The following TYW1B variants were observed in gnomAD, a reference collection of about 807,000 sequenced individuals.
The protein encoded by TYW1B is S-adenosyl-L-methionine-dependent tRNA 4-demethylwyosine synthase TYW1B.
In TYW1B, 73 loss-of-function variants were observed where a neutral mutation model predicts 86.9. The observed-to-expected ratio is 0.84, with a 90% CI of 0.70 to 1.02. The LOEUF is 1.02. Ranked by LOEUF, TYW1B falls within the 50% of genes least tolerant of loss-of-function variation. TYW1B has a pLI of 0.00. For missense variants in TYW1B, 637 were observed against 827.4 expected (o/e 0.77, Z 2.82); for synonymous variants, 248 against 292.8 (o/e 0.85, Z 1.56).
rs1554428196 is a variant in TYW1B at position 72,575,034 on chromosome 7, A to G, written c.*464T>C. The G allele has an allele frequency of 1.0e-6, 1 of 993,912 alleles. No individual in the cohort carries two copies. The highest frequency in any genetic ancestry group is 1.7e-5 in the African/African-American group (1 of 57,348). The allele number at this position is 993,912 out of a possible 1,614,324, so 61.6% of individuals were successfully genotyped here. The stretch of plus-strand genomic sequence containing the variant: ...TGTCTTAAGACAGAAGAAAGGGATC[A>G]AGCTCTTATCTTAGAAAGCACAGAC... On this transcript the variant is annotated 3_prime_UTR_variant, in exon 14 of 14. Coordinates refer to ENST00000620995, the MANE Select transcript of TYW1B (RefSeq NM_001145440.3).
chr7:72,607,393 C>CAAAAAA (rs57281644), intron 13 of TYW1B, among the ~76,000 whole-genome samples: 4 of 76,218 alleles, frequency 5.2e-5, no homozygotes, highest in South Asian at 5.3e-4. Context: ...TTCTGTCTCT[C>CAAAAAA]AAAAAAAAAA....
chr7:72,742,829 C>A (rs553184679), intron 8 of TYW1B, among the ~76,000 whole-genome samples: 1 of 151,734 alleles, frequency 6.6e-6, no homozygotes, highest in Non-Finnish European at 1.5e-5. Context: ...ACTCTTGTGC[C>A]AATATGGAGA....
chr7:72,824,667 G>A (rs1224760829), intron 2 of TYW1B, among the ~76,000 whole-genome samples: 1 of 151,384 alleles, frequency 6.6e-6, no homozygotes, highest in Non-Finnish European at 1.5e-5. Context: ...CTCGAACCCA[G>A]GAGGCGGAGG....
intron 11 of TYW1B, among the ~76,000 whole-genome samples, chr7:72,644,734 C>G (rs1230766812): frequency 6.7e-6 from 1 of 150,146 alleles, no homozygotes; most frequent in African/African-American, 2.5e-5. Context: ...ACTTTAATGA[C>G]TTTAAAAAAA....
Position 72,728,904 on chromosome 7 carries a change from T to C in TYW1B, c.1110A>G (p.Glu370=), listed in dbSNP as rs781929607. The change falls in exon 9 of 14, where the codon GAA becomes GAG. Residue 370 remains glutamate, a synonymous_variant. Transcript: ENST00000620995. ...WWHHNNPVGT[E]WLWKMDQPEM... is the part of the protein sequence containing the mutation. Reference sequence around the variant, plus strand: ...CAGGCTGGTCCATCTTCCACAACCATTCAGTGCCCACAGGGTTGTTGTGGT... The same window carrying C: ...CAGGCTGGTCCATCTTCCACAACCACTCAGTGCCCACAGGGTTGTTGTGGT... The C allele has an allele frequency of 1.9e-6, 3 of 1,613,966 alleles. No homozygotes were observed. Among genetic ancestry groups the C allele is most frequent in the Non-Finnish European group, 2.5e-6 (3 of 1,179,900 alleles).
In TYW1B at chr7:72,708,531, G is replaced by A. The variant is rs117287278; in HGVS notation, c.1370+5090C>T. Among the ~76,000 whole-genome samples the A allele has an allele frequency of 1.1e-3, 161 of 152,258 alleles. 2 individuals are homozygous for A. In the East Asian group the frequency reaches 0.027, roughly 26 times the overall value. The stretch of plus-strand genomic sequence containing the variant: ...AAATAGCTGAACTTGCTGACTTGCT[G>A]TATGAGCTGACTTGCTGTATAGAAT... On this transcript the variant is annotated intron_variant, in intron 10 of 13. Coordinates refer to ENST00000620995, the MANE Select transcript of TYW1B (RefSeq NM_001145440.3).
At chr7:72,811,575 T>C (rs1449423840) in intron 3 of TYW1B, among the ~76,000 whole-genome samples, 1 of 151,976 alleles carries the variant, frequency 6.6e-6, no homozygotes, top group Non-Finnish European at 1.5e-5. Flanking sequence ...TCTCGGTTCA[T>C]TACCATCTCC....
intron 3 of TYW1B, among the ~76,000 whole-genome samples, chr7:72,813,365 G>A (rs1396250704): frequency 6.6e-6 from 1 of 151,994 alleles, no homozygotes; most frequent in African/African-American, 2.4e-5. Flanking sequence ...TAGTAAAGAC[G>A]TGGTTTCACC....
At chr7:72,598,475 T>C (rs1221685635) in intron 13 of TYW1B, among the ~76,000 whole-genome samples, 1 of 151,980 alleles carries the variant, frequency 6.6e-6, no homozygotes, top group African/African-American at 2.4e-5. Flanking sequence ...GCAGGAAAAG[T>C]TGTACAGAAA....
chr7:72,716,560 T>C (rs1237176203), intron 9 of TYW1B, among the ~76,000 whole-genome samples: 2 of 152,190 alleles, frequency 1.3e-5, no homozygotes, highest in Non-Finnish European at 2.9e-5. Flanking sequence ...TTGACTTCAG[T>C]AGGGATAGCA....
chr7:72,688,012 T>C (rs4121338), intron 11 of TYW1B, among the ~76,000 whole-genome samples: 10 of 152,198 alleles, frequency 6.6e-5, no homozygotes, highest in South Asian at 2.1e-4. Context: ...CAAAATGAAA[T>C]CACCATCTCC....
intron 12 of TYW1B, among the ~76,000 whole-genome samples, chr7:72,628,509 G>A (rs1199879499): frequency 1.3e-5 from 2 of 152,114 alleles, no homozygotes; most frequent in African/African-American, 4.8e-5. Context: ...GAGTTCATTA[G>A]ACCAATCTCT....
intron 11 of TYW1B, among the ~76,000 whole-genome samples, chr7:72,664,339 T>A (rs1211242090): frequency 2.6e-5 from 4 of 152,186 alleles, no homozygotes. Flanking sequence ...TGCTGTTTCT[T>A]AGATTTAATG....
chr7:72,585,624 A>G (rs1450205243), intron 13 of TYW1B, among the ~76,000 whole-genome samples: 3 of 152,102 alleles, frequency 2.0e-5, no homozygotes, highest in Non-Finnish European at 4.4e-5. Context: ...TTCCTGTGCT[A>G]TTCTGGAGAC....
chr7:72,720,176 G>C (rs2844078), intron 9 of TYW1B, among the ~76,000 whole-genome samples: 1 of 152,180 alleles, frequency 6.6e-6, no homozygotes, highest in Non-Finnish European at 1.5e-5. Context: ...GGGTATGAGA[G>C]AGTGAGAGGG....
chr7:72,618,547 C>T (rs1262411563), intron 12 of TYW1B, among the ~76,000 whole-genome samples: 1 of 152,018 alleles, frequency 6.6e-6, no homozygotes, highest in Non-Finnish European at 1.5e-5. Flanking sequence ...AACAAATGAG[C>T]AGAGTGACCC....
At chr7:72,679,486 C>G (rs576923505) in intron 11 of TYW1B, among the ~76,000 whole-genome samples, 3 of 152,090 alleles carry the variant, frequency 2.0e-5, no homozygotes, top group Admixed American at 6.6e-5. Flanking sequence ...GAATACGTCA[C>G]GAGCATAATA....
chr7:72,669,650 G>A (rs1379587341), intron 11 of TYW1B, among the ~76,000 whole-genome samples: 2 of 151,882 alleles, frequency 1.3e-5, no homozygotes, highest in Admixed American at 1.3e-4. Flanking sequence ...TGTGCCTGTA[G>A]TCCCAGCTAC....
At chr7:72,632,388 G>GTATATATATATATAATATATATATACA in intron 11 of TYW1B, among the ~76,000 whole-genome samples, 1 of 70,324 alleles carries the variant, frequency 1.4e-5, no homozygotes, top group South Asian at 3.8e-4. Context: ...ATATATATAC[G>GTATATATATATATAATATATATATACA]TATATATATA....
Sources: allele counts gnomAD v4.1 joint callset (sites outside exome capture counted in the v4.1 genomes callset), GRCh38; gene constraint gnomAD v4.1.1; transcripts MANE v1.5; gene names NCBI Gene and HGNC (gene_info 2026-07-23, HGNC 2026-07-21).